Variants in CYP2C8 observed in about 807,000 individuals in gnomAD.
CYP2C8 encodes the protein cytochrome P450 2C8.
In CYP2C8, 51 loss-of-function variants were observed where a neutral mutation model predicts 41.3. The observed-to-expected ratio is 1.24, with a 90% confidence interval of 0.99 to 1.56. CYP2C8 has a LOEUF of 1.56. CYP2C8 is among the 40% of genes most tolerant of loss of function. CYP2C8 has a pLI of 0.00. For synonymous variants in CYP2C8, 218 were observed against 205.8 expected, an observed-to-expected ratio of 1.06 and a Z score of -0.51; for missense variants, 651 against 579.9, an observed-to-expected ratio of 1.12 and a Z score of -1.26.
intron 4 of CYP2C8, among the ~76,000 whole-genome samples, chr10:95,060,036 G>A (rs1312400155): frequency 6.6e-6 from 1 of 152,172 alleles, no homozygotes; most frequent in African/African-American, 2.4e-5. Flanking sequence ...AAGCTGTTTT[G>A]GTTAATGCAG....
At position 95,067,359 on chromosome 10, in the gene CYP2C8, T is replaced by TTGCTGGA. The variant is rs1164575067; in HGVS notation, c.332-3_332-2insTCCAGCA. On this transcript the variant is annotated splice_region_variant and splice_polypyrimidine_tract_variant and intron_variant, in intron 2 of 8. Transcript: ENST00000371270. ...TCTTTCCATTGCTGGAAATGATTCC[T>TTGCTGGA]AATAAAAAAAGGGGCAGAAACTGGG... 3 of 1,596,756 alleles carry TTGCTGGA rather than the reference T, an allele frequency of 1.9e-6. No individual in the cohort carries two copies. The highest frequency in any genetic ancestry group is 2.6e-6 in the Non-Finnish European group (3 of 1,176,224).
rs767654252 is a variant in CYP2C8, at chr10:95,038,984, G to T, written c.1204C>A (p.Pro402Thr). The part of the protein sequence containing the change: ...TSVLHDDKEF[P>T]NPNIFDPGHF... ...CCAGGGTCAAAGATATTTGGATTAG[G>T]AAATTCTTTGTCATCATGTAGCACG... Residue 402 changes from proline to threonine, a missense_variant, in exon 8 of 9, where the codon CCT becomes ACT. Transcript: ENST00000371270. 2 of 1,613,402 alleles carry T rather than the reference G, an allele frequency of 1.2e-6. No homozygotes were observed. The highest frequency in any genetic ancestry group is 1.7e-5 in the Admixed American group (1 of 60,022).
intron 5 of CYP2C8, among the ~76,000 whole-genome samples, chr10:95,052,415 A>G (rs1302552415): frequency 6.6e-6 from 1 of 152,098 alleles, no homozygotes; most frequent in East Asian, 1.9e-4. Context: ...ATTCCACAAA[A>G]TAGTGAAGGA....
chr10:95,068,495 G>A, intron 1 of CYP2C8: 3 of 794,526 alleles, frequency 3.8e-6, no homozygotes, highest in Non-Finnish European at 5.5e-6. Context: ...GCCATCAAAT[G>A]AATCTTCAGA....
chr10:95,036,776 C>T lies in CYP2C8; in HGVS notation c.*352G>A. On this transcript the variant is annotated 3_prime_UTR_variant, in exon 9 of 9. Coordinates refer to ENST00000371270, the MANE Select transcript of CYP2C8 (RefSeq NM_000770.3). ...AAAGAGGGAAAGTCTGAGAACTGAA[C>T]CAGCAATTAATAACACTTTTTATTT... 3.2e-6 allele frequency: 1 copy of T among 315,332 alleles called. No individual in the cohort carries two copies. Among genetic ancestry groups the T allele is most frequent in the Non-Finnish European group, 6.1e-6 (1 of 163,494 alleles). The allele number at this position is 315,332 out of a possible 1,614,324, so 19.5% of individuals were successfully genotyped here. A position where few individuals can be genotyped will look rare whatever the true frequency, so the allele number is the denominator to read the frequency against.
rs760114439 is a variant in CYP2C8 at position 95,045,909 on chromosome 10, C to T, written c.862G>A (p.Val288Ile). The T allele has an allele frequency of 3.7e-6, 6 of 1,613,876 alleles. No homozygotes were observed. The highest frequency in any genetic ancestry group is 5.1e-6 in the Non-Finnish European group (6 of 1,179,910). Residue 288 changes from valine to isoleucine, a missense_variant, in exon 6 of 9, where the codon GTT becomes ATT. Val to Ile is a conservative substitution (Grantham distance 29). Coordinates refer to ENST00000371270, the MANE Select transcript of CYP2C8 (RefSeq NM_000770.3). ...QKSEFNIENL[V>I]GTVADLFVAG... ...ACAAATAGATCAGCTACAGTGCCAA[C>T]CAAGTTTTCAATATTGAATTCTGAC... is the stretch of plus-strand genomic sequence containing the variant.
chr10:95,056,312 T>C (rs1414341194), intron 5 of CYP2C8, among the ~76,000 whole-genome samples: 4 of 152,164 alleles, frequency 2.6e-5, no homozygotes, highest in African/African-American at 9.7e-5. Flanking sequence ...GATTTTAAAA[T>C]GGTGCATTTA....
intron 2 of CYP2C8, 63 bp downstream of exon 2, chr10:95,067,466 G>C (rs1433615740): frequency 7.4e-6 from 12 of 1,613,020 alleles, no homozygotes; most frequent in Non-Finnish European, 1.0e-5. Flanking sequence ...AGCTTTTTAG[G>C]GCTCTGTTTT....
intron 1 of CYP2C8, chr10:95,068,746 T>A: frequency 1.7e-6 from 1 of 597,508 alleles, no homozygotes; most frequent in Non-Finnish European, 2.8e-6. Flanking sequence ...ACTCCGCTAT[T>A]TCTGACAATG....
intron 5 of CYP2C8, among the ~76,000 whole-genome samples, chr10:95,053,757 GC>G (rs985179119): frequency 2.4e-4 from 36 of 152,126 alleles, no homozygotes; most frequent in African/African-American, 8.2e-4. Context: ...ACACACCAGG[GC>G]CTGTTGGGGG....
At chr10:95,045,442 A>G in intron 6 of CYP2C8, among the ~76,000 whole-genome samples, 1 of 152,234 alleles carries the variant, frequency 6.6e-6, no homozygotes, top group Non-Finnish European at 1.5e-5. Context: ...GCATTAGAGC[A>G]TGGAATTTTT....
intron 5 of CYP2C8, among the ~76,000 whole-genome samples, chr10:95,050,984 C>T (rs1414856240): frequency 6.6e-6 from 1 of 152,082 alleles, no homozygotes; most frequent in Non-Finnish European, 1.5e-5. Context: ...ATGACCTCAC[C>T]ACACGAACTA....
rs200057634 is a variant in CYP2C8 at position 95,067,240 on chromosome 10, T to C, written c.449A>G (p.His150Arg). 2 of 1,613,950 alleles carry C rather than the reference T, an allele frequency of 1.2e-6. No individual in the cohort carries two copies. Among genetic ancestry groups the C allele is most frequent in the African/African-American group, 2.7e-5 (2 of 74,930 alleles). Residue 150 changes from histidine to arginine, a missense_variant, in exon 3 of 9, where the codon CAC becomes CGC. His to Arg is a conservative substitution (Grantham distance 29). Coordinates refer to ENST00000371270, the MANE Select transcript of CYP2C8 (RefSeq NM_000770.3). ...SIEDRVQEEAHCLVEELRKTK... is the reference protein window; with the variant it reads ...SIEDRVQEEARCLVEELRKTK... ...TTTTCTCAACTCCTCCACAAGGCAG[T>C]GAGCTTCCTCTTGAACACGGTCCTC...
At chr10:95,050,764 C>G (rs1360814276) in intron 5 of CYP2C8, among the ~76,000 whole-genome samples, 1 of 152,216 alleles carries the variant, frequency 6.6e-6, no homozygotes, top group East Asian at 1.9e-4. Context: ...TAACTCATTT[C>G]CCATTTATTA....
At chr10:95,068,570 A>T in intron 1 of CYP2C8, 1 of 1,284,514 alleles carries the variant, frequency 7.8e-7, no homozygotes, top group Non-Finnish European at 1.0e-6. Flanking sequence ...AACTTATTGG[A>T]TGAAATTTCT....
At chr10:95,051,727 A>C (rs1201134568) in intron 5 of CYP2C8, among the ~76,000 whole-genome samples, 2 of 152,148 alleles carry the variant, frequency 1.3e-5, no homozygotes, top group African/African-American at 2.4e-5. Context: ...ACAGTGGGAC[A>C]ATGAAGAAAT....
chr10:95,042,854 A>G (rs1465912458), intron 7 of CYP2C8, 36 bp downstream of exon 7: 1 of 1,570,760 alleles, frequency 6.4e-7, no homozygotes, highest in South Asian at 1.1e-5. Context: ...GAAATTTCAG[A>G]AGTACAGAAA....
intron 5 of CYP2C8, among the ~76,000 whole-genome samples, chr10:95,051,178 G>A (rs1042143767): frequency 6.6e-6 from 1 of 152,172 alleles, no homozygotes; most frequent in Non-Finnish European, 1.5e-5. Flanking sequence ...AGCAGAGATT[G>A]TGGAGCTGAA....
rs10882519 is a variant in CYP2C8, at chr10:95,037,401, C to T, written c.1292-92G>A. 0.013 allele frequency: 14,147 copies of T among 1,083,324 alleles called. 763 individuals carry two copies. The African/African-American group carries it at 0.15, about 11-fold the overall frequency. The allele number at this position is 1,083,324 out of a possible 1,614,324, so 67.1% of individuals were successfully genotyped here. The stretch of plus-strand genomic sequence containing the variant: ...TTGTGACTTGCACAAACAGAATATG[C>T]AGTAAATAATTGATTAATGATTGGG... On this transcript the variant is annotated intron_variant, in intron 8 of 8. Transcript: ENST00000371270.
Sources: allele counts gnomAD v4.1 joint callset (sites outside exome capture counted in the v4.1 genomes callset), GRCh38; gene constraint gnomAD v4.1.1; transcripts MANE v1.5; gene names NCBI Gene and HGNC (gene_info 2026-07-23, HGNC 2026-07-21).